EPN2: variants seen among roughly 807,000 people sequenced by gnomAD.
The protein encoded by EPN2 is epsin-2.
A neutral mutation model predicts 61.7 loss-of-function variants in EPN2; 34 were observed. That is an observed-to-expected ratio of 0.55 (90% confidence interval 0.42 to 0.73). The LOEUF (loss-of-function observed/expected upper bound fraction) is 0.73. Among genes scored for constraint, EPN2 ranks in the 30% least tolerant of loss-of-function variants. EPN2 has a pLI of 0.00. For synonymous variants in EPN2, 349 were observed against 353.6 expected (o/e 0.99, Z 0.15); for missense variants, 714 against 839.2 (o/e 0.85, Z 1.84).
chr17:19,261,209 T>G (rs187355155), intron 1 of EPN2, among the ~76,000 whole-genome samples: 1 of 152,206 alleles, frequency 6.6e-6, no homozygotes, highest in African/African-American at 2.4e-5. Context: ...CATGTTGCAC[T>G]CCCACTGGCG....
At chr17:19,254,192 A>T (rs2045048281) in intron 1 of EPN2, among the ~76,000 whole-genome samples, 1 of 132,658 alleles carries the variant, frequency 7.5e-6, no homozygotes, top group African/African-American at 2.7e-5. Context: ...GGAGGGAGGG[A>T]GGGAAGGAAA....
rs1293141564 is a variant in EPN2 at position 19,334,045 on chromosome 17, C to T, written c.1717C>T (p.Leu573=). Residue 573 remains leucine, a synonymous_variant, in exon 11 of 11, where the codon CTG becomes TTG. Coordinates refer to ENST00000314728, the MANE Select transcript of EPN2 (RefSeq NM_014964.5). This position sits in a 1 kb window ranked among gnomAD's most constrained non-coding sequence, Gnocchi z 4.9. ...TLNQLRGSPV[L]GTSTSFGPGP... Reference sequence around the variant, plus strand: ...GAACCAGCTTCGGGGGAGCCCAGTCCTGGGGACCAGCACATCCTTTGGGCC... The same window carrying T: ...GAACCAGCTTCGGGGGAGCCCAGTCTTGGGGACCAGCACATCCTTTGGGCC... 1.9e-6 allele frequency: 3 copies of T among 1,608,122 alleles called. No homozygotes were observed. Among genetic ancestry groups the T allele is most frequent in the Admixed American group, 1.7e-5 (1 of 59,568 alleles).
intron 4 of EPN2, among the ~76,000 whole-genome samples, chr17:19,301,173 C>T (rs1026509680): frequency 6.6e-6 from 1 of 152,154 alleles, no homozygotes; most frequent in African/African-American, 2.4e-5. Flanking sequence ...CAGTCTCTGC[C>T]TCCATGGTCC....
chr17:19,289,748 A>T (rs575364874), intron 4 of EPN2, among the ~76,000 whole-genome samples: 73 of 9,280 alleles, frequency 7.9e-3, no homozygotes, highest in African/African-American at 9.5e-3. Context: ...TTTTTTTGAG[A>T]TGGAGTCTCA....
intron 1 of EPN2, among the ~76,000 whole-genome samples, chr17:19,275,820 T>C (rs940023033): frequency 6.6e-6 from 1 of 152,254 alleles, no homozygotes; most frequent in Non-Finnish European, 1.5e-5. Context: ...GGGGACTAAC[T>C]GTAGAAAAGT....
In EPN2 at chr17:19,335,267, C is replaced by G; in HGVS notation, c.*1013C>G. On this transcript the variant is annotated 3_prime_UTR_variant, in exon 11 of 11. Coordinates refer to ENST00000314728, the MANE Select transcript of EPN2 (RefSeq NM_014964.5). ...TTTGGTGAATTACTAAACTGATTGACTTTCAGCCTTTTTGGCTAGATCCTG... is the reference window on the plus strand; with the variant it reads ...TTTGGTGAATTACTAAACTGATTGAGTTTCAGCCTTTTTGGCTAGATCCTG... 1.2e-6 allele frequency: 1 copy of G among 803,776 alleles called. No homozygotes were observed. The highest frequency in any genetic ancestry group is 2.4e-5 in the South Asian group (1 of 42,178). 49.8% of individuals were successfully genotyped at this position (803,776 alleles called of 1,614,324 possible). A position where few individuals can be genotyped will look rare whatever the true frequency, so the allele number is the denominator to read the frequency against.
intron 7 of EPN2, among the ~76,000 whole-genome samples, chr17:19,321,832 G>C (rs1456886984): frequency 6.6e-6 from 1 of 152,162 alleles, no homozygotes; most frequent in Non-Finnish European, 1.5e-5. Flanking sequence ...CGTGTCCTCT[G>C]TGTTGTGTCA....
chr17:19,265,501 C>A (rs1051441762), intron 1 of EPN2, among the ~76,000 whole-genome samples: 1 of 152,198 alleles, frequency 6.6e-6, no homozygotes, highest in Non-Finnish European at 1.5e-5. Context: ...CTGCATGGGG[C>A]AGAAAGGCAT....
chr17:19,285,842 G>A lies in EPN2; in HGVS notation c.766+52G>A. ...TACTAGAAATGCTGGGCAGCTTGCT[G>A]GGGGTGTGCTTGCCATGCCAGTACA... On this transcript the variant is annotated intron_variant, in intron 4 of 10. Transcript: ENST00000314728. The surrounding 1 kb of genome is among the most constrained non-coding windows in gnomAD (Gnocchi z 4.5). 1 of 1,485,248 alleles carries A rather than the reference G, an allele frequency of 6.7e-7. No individual in the cohort carries two copies. Among genetic ancestry groups the A allele is most frequent in the Non-Finnish European group, 9.0e-7 (1 of 1,108,592 alleles). The allele number at this position is 1,485,248 out of a possible 1,614,324, so 92.0% of individuals were successfully genotyped here. A position where few individuals can be genotyped will look rare whatever the true frequency, so the allele number is the denominator to read the frequency against.
chr17:19,312,866 C>T (rs1598015968), intron 6 of EPN2: 2 of 490,104 alleles, frequency 4.1e-6, no homozygotes, highest in East Asian at 3.9e-5. Flanking sequence ...TCTGTTGAGC[C>T]CTGAGGTCTC....
rs2152217332 is a variant in EPN2, at chr17:19,283,051, G to A, written c.-69G>A. On this transcript the variant is annotated 5_prime_UTR_variant, in exon 3 of 11. Coordinates refer to ENST00000314728, the MANE Select transcript of EPN2 (RefSeq NM_014964.5). This position sits in a 1 kb window ranked among gnomAD's most constrained non-coding sequence, Gnocchi z 7.0. ...TACGGAGACTGAACCTTCATAGGGT[G>A]CGCACTTACCAAGGACAGGAAGGTT... The A allele has an allele frequency of 1.8e-6, 2 of 1,104,566 alleles. No individual in the cohort carries two copies. The highest frequency in any genetic ancestry group is 2.0e-4 in the Middle Eastern group (1 of 4,946). 68.4% of individuals were successfully genotyped at this position (1,104,566 alleles called of 1,614,324 possible).
intron 1 of EPN2, among the ~76,000 whole-genome samples, chr17:19,263,301 T>G (rs2045163033): frequency 6.6e-6 from 1 of 151,118 alleles, no homozygotes; most frequent in Admixed American, 6.7e-5. Flanking sequence ...GATCAGTACT[T>G]TAGAAGAGAA....
intron 7 of EPN2, among the ~76,000 whole-genome samples, chr17:19,324,544 G>C (rs1188767835): frequency 1.3e-5 from 2 of 152,122 alleles, no homozygotes; most frequent in African/African-American, 4.8e-5. Context: ...TGTTGATCAG[G>C]CTGGTCTCAA....
intron 1 of EPN2, among the ~76,000 whole-genome samples, chr17:19,272,826 G>T (rs1438919611): frequency 6.6e-6 from 1 of 152,060 alleles, no homozygotes; most frequent in Non-Finnish European, 1.5e-5. Context: ...CTACACTGAG[G>T]GGGAGGTGCA....
chr17:19,257,898 C>G (rs2045099164), intron 1 of EPN2: 1 of 152,218 alleles, frequency 6.6e-6, no homozygotes, highest in Admixed American at 6.5e-5. Context: ...TGGGATGGCT[C>G]AGAGCTTTCC....
chr17:19,301,607 G>T (rs1271365111), intron 4 of EPN2, among the ~76,000 whole-genome samples: 1 of 152,184 alleles, frequency 6.6e-6, no homozygotes, highest in Non-Finnish European at 1.5e-5. Flanking sequence ...ACCTCTGACG[G>T]CTTCTGAACC....
intron 6 of EPN2, chr17:19,312,804 G>A (rs969715247): frequency 3.0e-5 from 10 of 334,706 alleles, no homozygotes; most frequent in Admixed American, 4.6e-5. Context: ...GAGGGATGGC[G>A]TTCTGGAGGA....
At chr17:19,277,078 G>C (rs2152214825) in intron 1 of EPN2, among the ~76,000 whole-genome samples, 1 of 152,178 alleles carries the variant, frequency 6.6e-6, no homozygotes, top group South Asian at 2.1e-4. Flanking sequence ...GAAAAAGAGG[G>C]AGAAGAAAAC....
rs1227835125 is a variant in EPN2 at position 19,283,333 on chromosome 17, C to T, written c.214C>T (p.Arg72Trp). ...GCTGAATGACCATGGCAAGAACTGG[C>T]GGCATGTGTACAAGGCGCTGACCCT... The part of the protein sequence containing the change: ...KRLNDHGKNW[R>W]HVYKALTLLD... The change falls in exon 3 of 11, where the codon CGG (arginine) becomes TGG (tryptophan). Residue 72 changes from arginine (R) to tryptophan (W), a missense_variant. This residue lies in a region of EPN2 where 304 missense variants were observed against 417.4 expected (regional missense o/e 0.73). Coordinates refer to ENST00000314728, the MANE Select transcript of EPN2 (RefSeq NM_014964.5). The surrounding 1 kb of genome is among the most constrained non-coding windows in gnomAD (Gnocchi z 7.0). 5.6e-6 allele frequency: 9 copies of T among 1,613,932 alleles called. No individual in the cohort carries two copies. Among genetic ancestry groups the T allele is most frequent in the Admixed American group, 1.7e-5 (1 of 59,986 alleles).
Sources: gnomAD v4.1 joint callset for allele counts (sites outside exome capture counted in the v4.1 genomes callset) on GRCh38, gnomAD v4.1.1 for gene constraint, gnomAD v4.1.1 regional missense constraint, Gnocchi (gnomAD v3.1) non-coding constraint, MANE v1.5 for transcripts, NCBI Gene and HGNC (gene_info 2026-07-23, HGNC 2026-07-21) for gene names.